CACNA2D3: variants seen among roughly 807,000 people sequenced by gnomAD.
The protein encoded by CACNA2D3 is calcium voltage-gated channel auxiliary subunit alpha2delta 3.
A neutral mutation model predicts 160.6 loss-of-function variants in CACNA2D3; 60 were observed. The ratio of observed to expected loss-of-function variants is 0.37; its 90% CI spans 0.30 to 0.46. The LOEUF (loss-of-function observed/expected upper bound fraction) is 0.46. CACNA2D3 is among the 20% of genes least tolerant of loss of function. The pLI is 1.00. For missense variants in CACNA2D3, 1,205 were observed against 1,365.0 expected (o/e 0.88, Z 1.85); for synonymous variants, 558 against 492.9 (o/e 1.13, Z -1.75).
chr3:54,446,081 G>A (rs1169146288), intron 4 of CACNA2D3, among the ~76,000 whole-genome samples: 1 of 152,210 alleles, frequency 6.6e-6, no homozygotes, highest in African/African-American at 2.4e-5. Context: ...ATCCACACAT[G>A]TTCATAGAAG....
intron 12 of CACNA2D3, among the ~76,000 whole-genome samples, chr3:54,758,410 T>A (rs186587816): frequency 4.6e-5 from 7 of 152,106 alleles, no homozygotes; most frequent in Non-Finnish European, 1.0e-4. Flanking sequence ...ACCAAGACCA[T>A]TGGGCTCCCT....
At chr3:54,666,814 G>A (rs1467918296) in intron 11 of CACNA2D3, among the ~76,000 whole-genome samples, 1 of 152,196 alleles carries the variant, frequency 6.6e-6, no homozygotes, top group African/African-American at 2.4e-5. Context: ...GGTAGTACGA[G>A]GGGAACTTGG....
chr3:54,153,150 T>G (rs1700182563), intron 2 of CACNA2D3, among the ~76,000 whole-genome samples: 1 of 152,228 alleles, frequency 6.6e-6, no homozygotes. Context: ...TTGGTAGCTC[T>G]GTGACCTTGG....
chr3:54,333,633 CAG>C (rs1354832030), intron 3 of CACNA2D3, among the ~76,000 whole-genome samples: 4 of 151,636 alleles, frequency 2.6e-5, no homozygotes, highest in South Asian at 2.1e-4. Flanking sequence ...GGGCAGCACT[CAG>C]GGGGAGGGAG....
chr3:54,873,467 T>C (rs892078992), intron 18 of CACNA2D3, among the ~76,000 whole-genome samples: 47 of 152,152 alleles, frequency 3.1e-4, no homozygotes, highest in Non-Finnish European at 8.8e-5. Flanking sequence ...GATGTATGAC[T>C]CAGCTCACTC....
rs115385300 is a variant in CACNA2D3 at position 54,826,904 on chromosome 3, A to G, written c.1398+10034A>G. ...AGAAGCATAAGAATTTCTCTGGCCTAGTCTGGAATGGTCTTTATGAGATTA... is the reference window on the plus strand; with the variant it reads ...AGAAGCATAAGAATTTCTCTGGCCTGGTCTGGAATGGTCTTTATGAGATTA... On this transcript the variant is annotated intron_variant, in intron 14 of 37. Transcript: ENST00000474759. Among the ~76,000 whole-genome samples, 671 of 152,352 alleles carry G rather than the reference A, an allele frequency of 4.4e-3. 3 individuals carry two copies. The highest frequency in any genetic ancestry group is 0.015 in the African/African-American group (610 of 41,584).
rs566578201 is a variant in CACNA2D3 at position 54,924,246 on chromosome 3, C to G, written c.2449+24378C>G. Among the ~76,000 whole-genome samples, 5 of 152,278 alleles carry G rather than the reference C, an allele frequency of 3.3e-5. No individual in the cohort carries two copies. The South Asian group carries it at 1.0e-3, about 32-fold the overall frequency. On this transcript the variant is annotated intron_variant, in intron 27 of 37. Transcript: ENST00000474759. ...AGAAAAATATCCCAGAGAGAGATAA[C>G]CATACCCACAATTGGATCAGACTTG...
rs532133412 is a variant in CACNA2D3 at position 54,724,310 on chromosome 3, A to G, written c.1168-28289A>G. Among the ~76,000 whole-genome samples the G allele has an allele frequency of 3.3e-5, 5 of 152,234 alleles. No individual in the cohort carries two copies. In the South Asian group the frequency reaches 8.3e-4, roughly 25 times the overall value. ...ACAAAGAGACTTAGACTCCCACACA[A>G]TAATAGTGGGAGACTTTAACACTCC... On this transcript the variant is annotated intron_variant, in intron 11 of 37. Coordinates refer to ENST00000474759, the MANE Select transcript of CACNA2D3 (RefSeq NM_018398.3).
chr3:54,953,276 T>C (rs1271048101), intron 27 of CACNA2D3, among the ~76,000 whole-genome samples: 1 of 152,188 alleles, frequency 6.6e-6, no homozygotes, highest in African/African-American at 2.4e-5. Flanking sequence ...GCATGCTGCA[T>C]GTACATGAAA....
chr3:54,885,192 C>A, intron 21 of CACNA2D3, 89 bp from the exon 22 acceptor site: 2 of 1,398,698 alleles, frequency 1.4e-6, no homozygotes, highest in Non-Finnish European at 2.0e-6. Context: ...CCTTAACCCA[C>A]CCCGCAGCCC....
intron 2 of CACNA2D3, among the ~76,000 whole-genome samples, chr3:54,152,197 C>T (rs765178902): frequency 3.9e-5 from 6 of 152,338 alleles, no homozygotes; most frequent in Admixed American, 2.0e-4. Flanking sequence ...CTGTCTCCCA[C>T]GTAGCCTGGC....
intron 17 of CACNA2D3, 126 bp from the exon 18 acceptor site, chr3:54,871,413 T>C: frequency 4.6e-6 from 3 of 645,386 alleles, no homozygotes; most frequent in Middle Eastern, 2.5e-4. Context: ...CTGCTGGGCT[T>C]CTCACCCTCA....
intron 14 of CACNA2D3, among the ~76,000 whole-genome samples, chr3:54,826,576 A>G (rs145745997): frequency 0.012 from 1,762 of 152,186 alleles, 39 homozygotes; most frequent in African/African-American, 0.04. Context: ...ACCCATCCAT[A>G]TTTGCCCAGG....
intron 2 of CACNA2D3, among the ~76,000 whole-genome samples, chr3:54,229,132 G>T (rs1204726317): frequency 6.6e-6 from 1 of 151,888 alleles, no homozygotes; most frequent in Non-Finnish European, 1.5e-5. Flanking sequence ...TATTTTCCTT[G>T]ATCTTTGTAA....
chr3:54,896,806 C>T lies in CACNA2D3; in HGVS notation c.2304C>T (p.Leu768=), dbSNP rs1469169292. 22 of 1,614,058 alleles carry T rather than the reference C, an allele frequency of 1.4e-5. No individual in the cohort carries two copies. Among genetic ancestry groups the T allele is most frequent in the Non-Finnish European group, 1.7e-5 (20 of 1,179,892 alleles). Residue 768 remains leucine (L), a synonymous_variant, in exon 26 of 38, where the codon CTC becomes CTT. Transcript: ENST00000474759. ...ENIFNADHFP[L]WYRRAAEQIP... ...TTTTTAACGCAGACCATTTCCCTCT[C>T]TGGTACCGAAGAGCCGCTGAGCAGA...
intron 3 of CACNA2D3, among the ~76,000 whole-genome samples, chr3:54,327,911 T>C (rs745871780): frequency 6.6e-6 from 1 of 152,258 alleles, no homozygotes; most frequent in Non-Finnish European, 1.5e-5. Context: ...GTTGTGGACA[T>C]GTCAATGAAT....
At chr3:54,604,080 G>A (rs631991) in intron 9 of CACNA2D3, among the ~76,000 whole-genome samples, 43,899 of 151,958 alleles carry the variant, frequency 0.29, 7,348 homozygotes, top group Admixed American at 0.44. Context: ...ATGAGCATCA[G>A]TATATTAATA....
At chr3:54,144,419 G>T (rs187935549) in intron 2 of CACNA2D3, among the ~76,000 whole-genome samples, 78 of 152,338 alleles carry the variant, frequency 5.1e-4, no homozygotes, top group Non-Finnish European at 1.0e-3. Flanking sequence ...ACTGTGCCAA[G>T]GGTGTGAACT....
At chr3:54,610,983 T>G (rs1698739352) in intron 9 of CACNA2D3, among the ~76,000 whole-genome samples, 1 of 152,178 alleles carries the variant, frequency 6.6e-6, no homozygotes, top group Non-Finnish European at 1.5e-5. Flanking sequence ...CTTCGCCAAA[T>G]GTAGCATCGC....
Sources: gnomAD v4.1 joint callset for allele counts (sites outside exome capture counted in the v4.1 genomes callset) on GRCh38, gnomAD v4.1.1 for gene constraint, MANE v1.5 for transcripts, NCBI Gene and HGNC (gene_info 2026-07-23, HGNC 2026-07-21) for gene names.